Variants in GREB1 observed in about 807,000 individuals in gnomAD.
GREB1 encodes growth regulating estrogen receptor binding 1, also known as protein GREB1.
GREB1 carries 106 observed loss-of-function variants against 200.7 expected under a neutral mutation model. The observed-to-expected ratio is 0.53, with a 90% CI of 0.45 to 0.62. The LOEUF (loss-of-function observed/expected upper bound fraction) is 0.62, where lower values mean the gene tolerates loss of function less well. GREB1 is among the 20% of genes least tolerant of loss of function. The pLI is 0.00. For synonymous variants in GREB1, 1,132 were observed against 1,092.4 expected (o/e 1.04, Z -0.72); for missense variants, 2,243 against 2,556.8 (o/e 0.88, Z 2.65).
intron 1 of GREB1, among the ~76,000 whole-genome samples, chr2:11,553,765 A>G (rs1676164772): frequency 6.6e-6 from 1 of 152,072 alleles, no homozygotes; most frequent in Non-Finnish European, 1.5e-5. Flanking sequence ...TGCCCCGTCT[A>G]CATCAGGCCT....
intron 1 of GREB1, among the ~76,000 whole-genome samples, chr2:11,549,387 GA>G (rs369169703): frequency 8.6e-5 from 13 of 151,484 alleles, no homozygotes; most frequent in African/African-American, 2.4e-4. Context: ...ACTTTAAGAC[GA>G]AAAAAAAGAG....
In GREB1 at chr2:11,597,736, C is replaced by T. The variant is rs374057455; in HGVS notation, c.1955-45C>T. The stretch of plus-strand genomic sequence containing the variant: ...CTCTGGCCAAGGGCCTGGCAGTAGC[C>T]GTGTGCCCTGGAGCTCACCTGGCAT... On this transcript the variant is annotated intron_variant, in intron 13 of 32. Coordinates refer to ENST00000381486, the MANE Select transcript of GREB1 (RefSeq NM_014668.4). The surrounding 1 kb of genome is among the most constrained non-coding windows in gnomAD (Gnocchi z 4.1). 2.2e-5 allele frequency: 34 copies of T among 1,565,332 alleles called. No individual in the cohort carries two copies. The highest frequency in any genetic ancestry group is 2.0e-4 in the Middle Eastern group (1 of 5,076).
intron 1 of GREB1, among the ~76,000 whole-genome samples, chr2:11,499,285 T>A (rs1164675348): frequency 9.9e-5 from 15 of 152,218 alleles, no homozygotes; most frequent in Admixed American, 9.8e-4. Context: ...GGTGCAGGGG[T>A]CAGCCTGGGA....
chr2:11,523,357 T>C (rs1262935664), intron 1 of GREB1, among the ~76,000 whole-genome samples: 7 of 152,062 alleles, frequency 4.6e-5, no homozygotes, highest in Non-Finnish European at 8.8e-5. Flanking sequence ...ATAACAAACC[T>C]GCACACGCAC....
chr2:11,616,245 T>C (rs1284273099), intron 20 of GREB1, among the ~76,000 whole-genome samples: 1 of 152,256 alleles, frequency 6.6e-6, no homozygotes, highest in East Asian at 1.9e-4. Context: ...CCCTTCCTGC[T>C]GCTCAGAGTT....
intron 17 of GREB1, among the ~76,000 whole-genome samples, chr2:11,609,242 T>TTTTATTTA (rs60473726): frequency 0.53 from 72,691 of 136,536 alleles, 20,132 homozygotes; most frequent in East Asian, 0.63. Flanking sequence ...GGCATTATTA[T>TTTTATTTA]TTTATTTATT....
intron 1 of GREB1, among the ~76,000 whole-genome samples, chr2:11,555,792 T>C (rs1676374166): frequency 6.6e-6 from 1 of 152,178 alleles, no homozygotes; most frequent in African/African-American, 2.4e-5. Context: ...CATTCTAAAA[T>C]TGATCGTATG....
At chr2:11,575,144 G>A (rs1009455526) in intron 4 of GREB1, among the ~76,000 whole-genome samples, 1 of 152,216 alleles carries the variant, frequency 6.6e-6, no homozygotes, top group Non-Finnish European at 1.5e-5. Flanking sequence ...ACACAGAGCC[G>A]GGTGGCCCTC....
chr2:11,514,164 G>T (rs1037711299), intron 1 of GREB1, among the ~76,000 whole-genome samples: 1 of 152,214 alleles, frequency 6.6e-6, no homozygotes, highest in Non-Finnish European at 1.5e-5. Context: ...CAAATCCCAG[G>T]AAGCAGGAAA....
intron 9 of GREB1, chr2:11,588,307 G>A: frequency 4.5e-6 from 5 of 1,112,688 alleles, no homozygotes; most frequent in Non-Finnish European, 5.6e-6. Flanking sequence ...GACAGCCCTG[G>A]GAGAATGCAG....
chr2:11,522,496 T>C (rs957844034), intron 1 of GREB1, among the ~76,000 whole-genome samples: 6 of 152,298 alleles, frequency 3.9e-5, no homozygotes, highest in African/African-American at 1.4e-4. Context: ...GTTTTTGTGC[T>C]GGACCCTGCA....
At chr2:11,589,872 T>A (rs1680554755) in intron 10 of GREB1, among the ~76,000 whole-genome samples, 1 of 152,158 alleles carries the variant, frequency 6.6e-6, no homozygotes, top group Admixed American at 6.5e-5. Context: ...GAACCTGAGT[T>A]CTGTCTTGGC....
intron 1 of GREB1, among the ~76,000 whole-genome samples, chr2:11,503,171 G>A (rs935594626): frequency 5.3e-5 from 8 of 152,126 alleles, no homozygotes. Context: ...AGAAAGAAAC[G>A]TTCCTGATGA....
chr2:11,510,895 A>T (rs1673331145), intron 1 of GREB1, among the ~76,000 whole-genome samples: 1 of 151,476 alleles, frequency 6.6e-6, no homozygotes, highest in African/African-American at 2.4e-5. Flanking sequence ...CTGGTCTCGA[A>T]CTCCTGACCT....
intron 1 of GREB1, among the ~76,000 whole-genome samples, chr2:11,513,698 A>G (rs1037186801): frequency 5.9e-5 from 9 of 152,026 alleles, no homozygotes; most frequent in Non-Finnish European, 1.2e-4. Flanking sequence ...AAAAAAAAAG[A>G]ACTGTGGCTT....
chr2:11,525,957 G>A (rs569973549), intron 1 of GREB1, among the ~76,000 whole-genome samples: 6 of 152,250 alleles, frequency 3.9e-5, no homozygotes, highest in East Asian at 1.9e-4. Flanking sequence ...AACTTTGCCC[G>A]GAGAGTAACT....
upstream of GREB1, among the ~76,000 whole-genome samples, chr2:11,530,427 C>A (rs1220686332): frequency 1.3e-5 from 2 of 150,972 alleles, no homozygotes; most frequent in Admixed American, 6.6e-5. Context: ...AAAGTAAAAT[C>A]TATGTTAAAA....
rs566720790 is a variant in GREB1, at chr2:11,502,550, T to G, written c.-159+20169T>G. Among the ~76,000 whole-genome samples, 49 of 152,214 alleles carry G rather than the reference T, an allele frequency of 3.2e-4. No homozygotes were observed. In the East Asian group the frequency reaches 8.3e-3, roughly 26 times the overall value. ...TTTCTTCTTCAGTTTACAGAACTAG[T>G]GCAATTTGGGGTTTTCCTCAGTTCA... On this transcript the variant is annotated intron_variant, in intron 1 of 2. Coordinates refer to the GREB1 transcript ENST00000628795.
At chr2:11,578,715 C>A (rs571734892) in intron 6 of GREB1, among the ~76,000 whole-genome samples, 4 of 152,294 alleles carry the variant, frequency 2.6e-5, no homozygotes, top group East Asian at 3.9e-4. Flanking sequence ...AACCCCCGCA[C>A]AGCATAGAGC....
Sources: allele counts gnomAD v4.1 joint callset (sites outside exome capture counted in the v4.1 genomes callset), GRCh38; gene constraint gnomAD v4.1.1; non-coding constraint Gnocchi (gnomAD v3.1); transcripts MANE v1.5; gene names NCBI Gene and HGNC (gene_info 2026-07-23, HGNC 2026-07-21).